Variants in ROR1 observed in about 807,000 individuals in gnomAD.
ROR1 encodes the protein ROR family WNT receptor 1, also known as inactive tyrosine-protein kinase transmembrane receptor ROR1.
ROR1 carries 19 observed loss-of-function variants against 78.8 expected under a neutral mutation model. That is an observed-to-expected ratio of 0.24 (90% CI 0.17 to 0.35). The LOEUF is 0.35. ROR1 is among the 10% of genes least tolerant of loss of function. ROR1 has a pLI of 1.00. For synonymous variants in ROR1, 386 were observed against 433.6 expected (o/e 0.89, Z 1.36); for missense variants, 917 against 1,177.8 (o/e 0.78, Z 3.24).
intron 4 of ROR1, among the ~76,000 whole-genome samples, chr1:64,055,692 C>T (rs1418295520): frequency 6.6e-6 from 1 of 152,206 alleles, no homozygotes; most frequent in African/African-American, 2.4e-5. Context: ...GGACCTTTCT[C>T]TCTTTTTTTA....
chr1:63,876,911 A>G (rs1273213603), intron 1 of ROR1, among the ~76,000 whole-genome samples: 1 of 152,084 alleles, frequency 6.6e-6, no homozygotes, highest in Non-Finnish European at 1.5e-5. Flanking sequence ...TTGCCAGAAA[A>G]AAAATAAATA....
At chr1:64,007,439 C>T (rs942679882) in intron 1 of ROR1, among the ~76,000 whole-genome samples, 2 of 150,672 alleles carry the variant, frequency 1.3e-5, no homozygotes, top group Admixed American at 6.7e-5. Context: ...GTTAGTATAA[C>T]CCCATTACAA....
At chr1:64,022,448 C>A (rs1448749264) in intron 2 of ROR1, among the ~76,000 whole-genome samples, 2 of 152,178 alleles carry the variant, frequency 1.3e-5, no homozygotes, top group African/African-American at 4.8e-5. Context: ...ACAAAACAGT[C>A]ACAATGAAGA....
At chr1:64,023,250 C>T (rs995973396) in intron 2 of ROR1, among the ~76,000 whole-genome samples, 8 of 152,292 alleles carry the variant, frequency 5.3e-5, no homozygotes, top group African/African-American at 1.4e-4. Context: ...TGTAGCCCAT[C>T]CCTCCAGTCC....
At chr1:64,039,777 G>A (rs1646731927) in intron 2 of ROR1, among the ~76,000 whole-genome samples, 2 of 152,092 alleles carry the variant, frequency 1.3e-5, no homozygotes, top group South Asian at 2.1e-4. Flanking sequence ...TTCAGGCTTG[G>A]CTTTCTAGAT....
chr1:64,087,154 C>T (rs947031001), intron 4 of ROR1, among the ~76,000 whole-genome samples: 4 of 152,180 alleles, frequency 2.6e-5, no homozygotes, highest in Non-Finnish European at 4.4e-5. Context: ...ATCACTCAGA[C>T]CTTCATAGTA....
intron 2 of ROR1, among the ~76,000 whole-genome samples, chr1:64,015,793 A>G (rs1207023349): frequency 6.6e-6 from 1 of 152,114 alleles, no homozygotes; most frequent in African/African-American, 2.4e-5. Context: ...TTGGGGTCGT[A>G]AGCAACATCT....
intron 4 of ROR1, among the ~76,000 whole-genome samples, chr1:64,072,509 A>G (rs1325948751): frequency 1.3e-5 from 2 of 152,194 alleles, no homozygotes; most frequent in Non-Finnish European, 2.9e-5. Context: ...CAGATGAGAC[A>G]TAAGGGATTG....
chr1:63,891,129 C>T (rs1645392648), intron 1 of ROR1, among the ~76,000 whole-genome samples: 1 of 152,170 alleles, frequency 6.6e-6, no homozygotes, highest in Non-Finnish European at 1.5e-5. Flanking sequence ...ATGCTGATTC[C>T]CTCACTGTTC....
At chr1:63,805,944 A>G (rs930148211) in intron 1 of ROR1, among the ~76,000 whole-genome samples, 23 of 152,228 alleles carry the variant, frequency 1.5e-4, no homozygotes, top group Non-Finnish European at 2.6e-4. Flanking sequence ...GCTTGAGCCC[A>G]GGAGTTCAAG....
Position 63,798,077 on chromosome 1 carries a change from G to T in ROR1, c.91+23569G>T, listed in dbSNP as rs1023335150. Reference sequence around the variant, plus strand: ...TGAGAAGCTATCTTTTTGGCAGTAGGTCTCCTGATCATGAAGATTTGAATG... The same window carrying T: ...TGAGAAGCTATCTTTTTGGCAGTAGTTCTCCTGATCATGAAGATTTGAATG... On this transcript the variant is annotated intron_variant, in intron 1 of 8. Transcript: ENST00000371079. Among the ~76,000 whole-genome samples the T allele has an allele frequency of 1.5e-4, 23 of 152,082 alleles. No individual in the cohort carries two copies. In the East Asian group the frequency reaches 1.7e-3, roughly 11 times the overall value.
intron 2 of ROR1, among the ~76,000 whole-genome samples, chr1:64,037,605 T>C (rs1211811691): frequency 2.6e-5 from 4 of 152,128 alleles, no homozygotes; most frequent in South Asian, 2.1e-4. Context: ...AATGTAGTCA[T>C]ATATGAGTGG....
At chr1:63,961,705 G>A (rs1389472259) in intron 1 of ROR1, among the ~76,000 whole-genome samples, 1 of 152,080 alleles carries the variant, frequency 6.6e-6, no homozygotes, top group Non-Finnish European at 1.5e-5. Flanking sequence ...AGAGTGGAGA[G>A]GGATATGAAA....
intron 4 of ROR1, among the ~76,000 whole-genome samples, chr1:64,112,896 T>A (rs1648165873): frequency 6.6e-6 from 1 of 152,186 alleles, no homozygotes; most frequent in African/African-American, 2.4e-5. Flanking sequence ...GACATTTCCC[T>A]ATGGACAGCC....
chr1:64,121,520 T>A (rs1468474015), intron 4 of ROR1, among the ~76,000 whole-genome samples: 2 of 152,222 alleles, frequency 1.3e-5, no homozygotes, highest in Non-Finnish European at 2.9e-5. Context: ...GGATGTTTTG[T>A]TCAATGTAGT....
Position 63,898,765 on chromosome 1 carries a change from G to A in ROR1, c.92-110540G>A, listed in dbSNP as rs539172170. Among the ~76,000 whole-genome samples, 30 of 152,032 alleles carry A rather than the reference G, an allele frequency of 2.0e-4. No individual in the cohort carries two copies. The South Asian group carries it at 5.4e-3, about 27-fold the overall frequency. On this transcript the variant is annotated intron_variant, in intron 1 of 8. Transcript: ENST00000371079. The stretch of plus-strand genomic sequence containing the variant: ...GTTCCTGAGAGGTAAGTTGTGTGGC[G>A]CCGTACTCACTGCAGAGGGAGTTTT...
intron 1 of ROR1, among the ~76,000 whole-genome samples, chr1:63,937,634 A>C (rs1391680079): frequency 1.3e-5 from 2 of 152,176 alleles, no homozygotes; most frequent in Admixed American, 6.5e-5. Flanking sequence ...CCTAACGTTG[A>C]ATAGAGAAAG....
At chr1:64,036,635 T>C (rs1331720976) in intron 2 of ROR1, among the ~76,000 whole-genome samples, 9 of 152,224 alleles carry the variant, frequency 5.9e-5, no homozygotes. Context: ...TGTCACAAGA[T>C]ACTTCTCCAA....
chr1:63,850,300 A>T (rs1159787480), intron 1 of ROR1, among the ~76,000 whole-genome samples: 1 of 152,004 alleles, frequency 6.6e-6, no homozygotes, highest in Admixed American at 6.5e-5. Context: ...TCCTGCCTTC[A>T]TTTTTTTGTG....
Sources: gnomAD v4.1 joint callset for allele counts (sites outside exome capture counted in the v4.1 genomes callset) on GRCh38, gnomAD v4.1.1 for gene constraint, MANE v1.5 for transcripts, NCBI Gene and HGNC (gene_info 2026-07-23, HGNC 2026-07-21) for gene names.